RPS6KA6: variants seen among roughly 807,000 people sequenced by gnomAD.
RPS6KA6 encodes ribosomal protein S6 kinase alpha-6.
In RPS6KA6, 27 loss-of-function variants were observed where a neutral mutation model predicts 65.4. That is an observed-to-expected ratio of 0.41 (90% CI 0.30 to 0.57). RPS6KA6 has a LOEUF of 0.57. Ranked by LOEUF, RPS6KA6 falls within the 20% of genes least tolerant of loss-of-function variation. The probability of loss-of-function intolerance (pLI) is 0.24; values close to 1 mark genes in which losing one functional copy is unlikely to be tolerated. For synonymous variants in RPS6KA6, 190 were observed against 184.2 expected (o/e 1.03, Z -0.26); for missense variants, 486 against 555.6 (o/e 0.87, Z 1.26).
intron 1 of RPS6KA6, among the ~76,000 whole-genome samples, chrX:84,166,775 G>T (rs1437265485): frequency 9.0e-6 from 1 of 111,355 alleles, no homozygotes; most frequent in African/African-American, 3.3e-5. Context: ...TGTGGAGATG[G>T]AGGTCATAAC....
chrX:84,134,946 C>A, intron 7 of RPS6KA6, 127 bp from the exon 8 acceptor site: 1 of 601,479 alleles, frequency 1.7e-6, no homozygotes, highest in Non-Finnish European at 2.6e-6. Flanking sequence ...AAATGATTAA[C>A]TTAAAGTCAA....
chrX:84,142,214 A>C (rs949361579), intron 6 of RPS6KA6, among the ~76,000 whole-genome samples: 14 of 111,850 alleles, frequency 1.3e-4, no homozygotes, highest in African/African-American at 4.5e-4. Flanking sequence ...AACAATAGAA[A>C]GATATGTGAA....
intron 3 of RPS6KA6, among the ~76,000 whole-genome samples, chrX:84,150,080 T>C (rs2035273016): frequency 1.5e-5 from 1 of 64,959 alleles, no homozygotes; most frequent in Non-Finnish European, 4.3e-5. Flanking sequence ...AATGGCTTCT[T>C]TCCTTTTTCT....
At chrX:84,141,681 T>C (rs1332921724) in intron 6 of RPS6KA6, among the ~76,000 whole-genome samples, 1 of 111,269 alleles carries the variant, frequency 9.0e-6, no homozygotes, top group African/African-American at 3.3e-5. Context: ...GAAAAAGATA[T>C]ACCAAACTAA....
intron 6 of RPS6KA6, 86 bp downstream of exon 6, chrX:84,145,392 A>G: frequency 1.7e-6 from 1 of 579,869 alleles, no homozygotes; most frequent in East Asian, 4.0e-5. Flanking sequence ...AAATTTCAAT[A>G]GGAAAAATGT....
At chrX:84,109,959 T>C (rs1248021774) in intron 12 of RPS6KA6, among the ~76,000 whole-genome samples, 1 of 111,401 alleles carries the variant, frequency 9.0e-6, no homozygotes, top group East Asian at 2.9e-4. Flanking sequence ...CAGACGATAC[T>C]GCCACAGCTA....
chrX:84,138,510 G>A, intron 6 of RPS6KA6, among the ~76,000 whole-genome samples: 1 of 111,719 alleles, frequency 9.0e-6, no homozygotes, highest in Non-Finnish European at 1.9e-5. Context: ...CCAGGATAGT[G>A]CCACTGCACT....
chrX:84,066,785 C>G (rs988400708), intron 20 of RPS6KA6, among the ~76,000 whole-genome samples: 1 of 112,070 alleles, frequency 8.9e-6, no homozygotes, highest in African/African-American at 3.2e-5. Flanking sequence ...AAGGGACAGA[C>G]TGCCTCCTAA....
Position 84,116,248 on chromosome X carries a change from A to G in RPS6KA6, c.989T>C (p.Phe330Ser). Reference protein sequence around the residue: ...GVEEIKRHLFFANIDWDKLYK... With the variant: ...GVEEIKRHLFSANIDWDKLYK... ...ACTTACATCCCAGTCAATATTTGCAAAAAACAGATGTCTTTTGATTTCTTC... is the reference window on the plus strand; with the variant it reads ...ACTTACATCCCAGTCAATATTTGCAGAAAACAGATGTCTTTTGATTTCTTC... The change falls in exon 12 of 22, where the codon TTT becomes TCT. Residue 330 changes from phenylalanine to serine, a missense_variant. Transcript: ENST00000262752. The G allele has an allele frequency of 1.7e-6, 2 of 1,143,364 alleles. No homozygotes were observed. Among genetic ancestry groups the G allele is most frequent in the Non-Finnish European group, 2.4e-6 (2 of 841,616 alleles). 94.2% of individuals were successfully genotyped at this position (1,143,364 alleles called of 1,213,427 possible).
Position 84,147,013 on chromosome X carries a change from T to G in RPS6KA6, c.386A>C (p.Glu129Ala), listed in dbSNP as rs2035211012. 2 of 1,187,208 alleles carry G rather than the reference T, an allele frequency of 1.7e-6. No homozygotes were observed. Among genetic ancestry groups the G allele is most frequent in the Non-Finnish European group, 1.1e-6 (1 of 877,643 alleles). The change falls in exon 5 of 22, where the codon GAA becomes GCA. Residue 129 changes from glutamate to alanine, a missense_variant. Around this residue, in one of 3 missense-constraint regions of RPS6KA6, gnomAD observed 106 missense variants for 105.0 expected, o/e 1.01. Transcript: ENST00000262752. ...TTTGACAATAAATGGATGATTTACT[T>G]CCACCAGTATATCCCTCTCCATCTT... is the stretch of plus-strand genomic sequence containing the variant. ...RTKMERDILV[E>A]VNHPFIVKLH...
chrX:84,101,576 T>C (rs773848093), intron 18 of RPS6KA6, among the ~76,000 whole-genome samples: 1 of 111,208 alleles, frequency 9.0e-6, no homozygotes, highest in African/African-American at 3.3e-5. Context: ...ACTGCCCTTA[T>C]ATGTTATTTA....
chrX:84,064,942 G>A lies in RPS6KA6; in HGVS notation c.2112+29C>T, dbSNP rs369351467. The A allele has an allele frequency of 8.4e-5, 98 of 1,169,898 alleles. 1 individual carries two copies. Among genetic ancestry groups the A allele is most frequent in the South Asian group, 7.5e-4 (40 of 53,663 alleles). On this transcript the variant is annotated intron_variant, in intron 21 of 21. Coordinates refer to ENST00000262752, the MANE Select transcript of RPS6KA6 (RefSeq NM_014496.5). ...GGGTTTATTAGGTATCTGATATCTC[G>A]AAGGCACATAAAAGTATGTTTGTTT...
At chrX:84,074,257 G>A (rs1277650712) in intron 20 of RPS6KA6, among the ~76,000 whole-genome samples, 1 of 111,673 alleles carries the variant, frequency 9.0e-6, no homozygotes, top group African/African-American at 3.3e-5. Context: ...AAATAAGCCA[G>A]ACACAGAAAT....
Position 84,061,445 on chromosome X carries a change from A to G in RPS6KA6, c.*2832T>C, listed in dbSNP as rs1179550213. 1 of 111,799 alleles carries G rather than the reference A, an allele frequency of 8.9e-6. No homozygotes were observed. The highest frequency in any genetic ancestry group is 3.3e-5 in the African/African-American group (1 of 30,769). The allele number at this position is 111,799 out of a possible 1,213,427, so 9.2% of individuals were successfully genotyped here. A position where few individuals can be genotyped will look rare whatever the true frequency, so the allele number is the denominator to read the frequency against. Reference sequence around the variant, plus strand: ...CCAATGACAATAAATTACAAAAAACACTGTTTTAGACATTGCTGAGTCTAA... The same window carrying G: ...CCAATGACAATAAATTACAAAAAACGCTGTTTTAGACATTGCTGAGTCTAA... On this transcript the variant is annotated 3_prime_UTR_variant, in exon 22 of 22. Transcript: ENST00000262752.
chrX:84,065,116 AT>A lies in RPS6KA6; in HGVS notation c.1972-6del, dbSNP rs1569364602. The A allele has an allele frequency of 8.6e-7, 1 of 1,163,674 alleles. No homozygotes were observed. The highest frequency in any genetic ancestry group is 1.2e-6 in the Non-Finnish European group (1 of 859,082). ...AAGCATATGGGAAAGCAAATCCTAA[AT>A]TAAAAAAAATGTGTGTGTATATATA... On this transcript the variant is annotated splice_region_variant and splice_polypyrimidine_tract_variant and intron_variant, in intron 20 of 21. Coordinates refer to ENST00000262752, the MANE Select transcript of RPS6KA6 (RefSeq NM_014496.5).
At chrX:84,113,846 T>C (rs1440655699) in intron 12 of RPS6KA6, among the ~76,000 whole-genome samples, 2 of 111,569 alleles carry the variant, frequency 1.8e-5, no homozygotes, top group Non-Finnish European at 3.8e-5. Flanking sequence ...AGTACCTCTA[T>C]TGATTGATGA....
At chrX:84,109,944 C>A (rs1053020038) in intron 12 of RPS6KA6, among the ~76,000 whole-genome samples, 1 of 111,081 alleles carries the variant, frequency 9.0e-6, no homozygotes, top group Non-Finnish European at 1.9e-5. Context: ...TCAGAGGGAC[C>A]CAACCAGACG....
intron 1 of RPS6KA6, among the ~76,000 whole-genome samples, chrX:84,184,911 T>C (rs1039799299): frequency 2.8e-5 from 3 of 108,756 alleles, no homozygotes; most frequent in Admixed American, 9.9e-5. Context: ...GTACTACACG[T>C]TTACTATGAT....
chrX:84,091,984 G>C (rs1486420956), intron 20 of RPS6KA6, among the ~76,000 whole-genome samples: 1 of 111,029 alleles, frequency 9.0e-6, no homozygotes, highest in Non-Finnish European at 1.9e-5. Flanking sequence ...TGAACAATGA[G>C]AACACATGGA....
Sources: allele counts gnomAD v4.1 joint callset (sites outside exome capture counted in the v4.1 genomes callset), GRCh38; gene constraint gnomAD v4.1.1; regional missense constraint gnomAD v4.1.1; transcripts MANE v1.5; gene names NCBI Gene and HGNC (gene_info 2026-07-23, HGNC 2026-07-21).